The following LCLAT1 variants were observed in gnomAD, a reference collection of about 807,000 sequenced individuals.
LCLAT1 encodes the protein lysocardiolipin acyltransferase 1.
LCLAT1 carries 11 observed loss-of-function variants against 30.7 expected under a neutral mutation model. That is an observed-to-expected ratio of 0.36 (90% CI 0.23 to 0.59). The LOEUF (loss-of-function observed/expected upper bound fraction) is 0.59. Ranked by LOEUF, LCLAT1 falls within the 20% of genes least tolerant of loss-of-function variation. The probability of loss-of-function intolerance (pLI) is 0.77; values close to 1 mark genes in which losing one functional copy is unlikely to be tolerated. For synonymous variants in LCLAT1, 155 were observed against 151.3 expected (o/e 1.02, Z -0.18); for missense variants, 402 against 458.6 (o/e 0.88, Z 1.13).
chr2:30,586,346 C>A (rs1389648366), intron 5 of LCLAT1, among the ~76,000 whole-genome samples: 5 of 151,824 alleles, frequency 3.3e-5, no homozygotes, highest in Non-Finnish European at 5.9e-5. Flanking sequence ...CCTCTGAAGG[C>A]TTTGGGGAAG....
intron 1 of LCLAT1, among the ~76,000 whole-genome samples, chr2:30,472,953 T>C (rs1682869584): frequency 6.6e-6 from 1 of 152,160 alleles, no homozygotes; most frequent in South Asian, 2.1e-4. Context: ...GTGTTGCAAC[T>C]ATTTTTGCAT....
intron 5 of LCLAT1, among the ~76,000 whole-genome samples, chr2:30,632,588 C>G (rs1243040443): frequency 6.6e-6 from 1 of 152,212 alleles, no homozygotes; most frequent in Non-Finnish European, 1.5e-5. Context: ...CAACCTAAAT[C>G]TAAATTCACA....
At chr2:30,637,714 A>G (rs900078866) in intron 5 of LCLAT1, among the ~76,000 whole-genome samples, 1 of 152,172 alleles carries the variant, frequency 6.6e-6, no homozygotes, top group African/African-American at 2.4e-5. Context: ...AGTAGCTGAG[A>G]TTACAAGCGT....
At chr2:30,454,969 G>A (rs1389313849) in intron 1 of LCLAT1, among the ~76,000 whole-genome samples, 1 of 152,142 alleles carries the variant, frequency 6.6e-6, no homozygotes, top group African/African-American at 2.4e-5. Flanking sequence ...TTCCTTCAGA[G>A]AAGAATATAC....
intron 5 of LCLAT1, among the ~76,000 whole-genome samples, chr2:30,586,408 T>G (rs1346115775): frequency 6.6e-6 from 1 of 152,182 alleles, no homozygotes; most frequent in Non-Finnish European, 1.5e-5. Context: ...ATTCCTTGAT[T>G]TATGGCAGCA....
intron 5 of LCLAT1, 100 bp from the exon 6 acceptor site, chr2:30,640,017 C>G (rs1669217811): frequency 1.2e-6 from 1 of 859,694 alleles, no homozygotes; most frequent in Admixed American, 2.2e-5. Flanking sequence ...TTCACACTGT[C>G]CTGATTTTTC....
intron 1 of LCLAT1, among the ~76,000 whole-genome samples, chr2:30,459,947 A>T (rs1682029889): frequency 6.6e-6 from 1 of 152,246 alleles, no homozygotes; most frequent in African/African-American, 2.4e-5. Flanking sequence ...CTGTGAAAGA[A>T]CAAACCCAGC....
intron 5 of LCLAT1, among the ~76,000 whole-genome samples, chr2:30,583,087 A>C (rs1231637194): frequency 6.6e-6 from 1 of 152,212 alleles, no homozygotes; most frequent in East Asian, 1.9e-4. Context: ...TTTTTATTTA[A>C]AGTGTTGGCA....
intron 1 of LCLAT1, among the ~76,000 whole-genome samples, chr2:30,515,973 A>G (rs1320434399): frequency 6.6e-6 from 1 of 152,142 alleles, no homozygotes; most frequent in Admixed American, 6.5e-5. Flanking sequence ...GACTAGCTGG[A>G]TTTCCTAGGC....
intron 5 of LCLAT1, among the ~76,000 whole-genome samples, chr2:30,615,860 G>A (rs748238036): frequency 3.9e-5 from 6 of 152,142 alleles, no homozygotes; most frequent in African/African-American, 9.7e-5. Flanking sequence ...TGCCGGTTAC[G>A]TCTTCAGACT....
chr2:30,551,463 A>G (rs1245895112), intron 3 of LCLAT1, among the ~76,000 whole-genome samples: 1 of 152,102 alleles, frequency 6.6e-6, no homozygotes, highest in African/African-American at 2.4e-5. Flanking sequence ...GGAGCCCTAG[A>G]TCCCTTTTTT....
intron 1 of LCLAT1, among the ~76,000 whole-genome samples, chr2:30,501,474 G>A (rs1015433175): frequency 1.2e-4 from 19 of 152,074 alleles, no homozygotes; most frequent in East Asian, 1.2e-3. Context: ...GGCTGAGTGC[G>A]GTGGTCAACA....
intron 3 of LCLAT1, among the ~76,000 whole-genome samples, chr2:30,559,802 A>G (rs192522079): frequency 6.6e-6 from 1 of 152,200 alleles, no homozygotes; most frequent in Admixed American, 6.5e-5. Context: ...ATTTCTGCAC[A>G]TTTTGGTTTT....
At chr2:30,530,167 A>G (rs1472089077) in intron 2 of LCLAT1, among the ~76,000 whole-genome samples, 1 of 152,238 alleles carries the variant, frequency 6.6e-6, no homozygotes, top group East Asian at 1.9e-4. Context: ...TCAATATAAG[A>G]AACAATGCAT....
intron 1 of LCLAT1, among the ~76,000 whole-genome samples, chr2:30,453,829 A>C (rs1681686506): frequency 6.6e-6 from 1 of 152,200 alleles, no homozygotes; most frequent in African/African-American, 2.4e-5. Context: ...CCAGGTGTAT[A>C]CTGAGTTCTG....
chr2:30,626,947 G>T (rs76285132), intron 5 of LCLAT1, among the ~76,000 whole-genome samples: 1 of 152,134 alleles, frequency 6.6e-6, no homozygotes, highest in Admixed American at 6.5e-5. Context: ...ATGTGAGAAT[G>T]TGCATCATAA....
intron 1 of LCLAT1, among the ~76,000 whole-genome samples, chr2:30,473,901 G>C (rs933297733): frequency 3.3e-5 from 5 of 152,180 alleles, no homozygotes; most frequent in African/African-American, 1.2e-4. Context: ...CCAAAGGCTT[G>C]TTTATTAGTT....
At chr2:30,555,808 G>C (rs975998970) in intron 3 of LCLAT1, among the ~76,000 whole-genome samples, 1 of 151,034 alleles carries the variant, frequency 6.6e-6, no homozygotes, top group African/African-American at 2.4e-5. Context: ...ACTACAATAG[G>C]GGTCAACAAA....
chr2:30,629,437 G>A (rs1668662478), intron 5 of LCLAT1, among the ~76,000 whole-genome samples: 1 of 152,146 alleles, frequency 6.6e-6, no homozygotes, highest in African/African-American at 2.4e-5. Flanking sequence ...GTGGGCACCT[G>A]TAATCCCAGC....
Sources: allele counts gnomAD v4.1 joint callset (sites outside exome capture counted in the v4.1 genomes callset), GRCh38; gene constraint gnomAD v4.1.1; transcripts MANE v1.5; gene names NCBI Gene and HGNC (gene_info 2026-07-23, HGNC 2026-07-21).